Variants in TMEM154 observed in about 807,000 individuals in gnomAD.
TMEM154 encodes transmembrane protein 154.
TMEM154 carries 27 observed loss-of-function variants against 24.5 expected under a neutral mutation model. That is an observed-to-expected ratio of 1.10 (90% CI 0.81 to 1.52). TMEM154 has a LOEUF of 1.52. Ranked by LOEUF, TMEM154 falls within the 40% of genes most tolerant of loss-of-function variation. The pLI is 0.00. For missense variants in TMEM154, 228 were observed against 213.4 expected (o/e 1.07, Z -0.43); for synonymous variants, 67 against 76.8 (o/e 0.87, Z 0.67).
At chr4:152,632,978 T>C (rs1200714265) in intron 6 of TMEM154, among the ~76,000 whole-genome samples, 2 of 152,220 alleles carry the variant, frequency 1.3e-5, no homozygotes, top group African/African-American at 2.4e-5. Flanking sequence ...GACACATGAA[T>C]GAATGTTAGT....
At chr4:152,641,903 CTTTTTT>C (rs780465309) in intron 5 of TMEM154, among the ~76,000 whole-genome samples, 41 of 41,456 alleles carry the variant, frequency 9.9e-4, no homozygotes, top group Non-Finnish European at 1.5e-3. Flanking sequence ...AGCAATAATT[CTTTTTT>C]TTTTTTTTTT....
chr4:152,632,404 G>T (rs985162006), intron 6 of TMEM154, among the ~76,000 whole-genome samples: 2 of 152,124 alleles, frequency 1.3e-5, no homozygotes, highest in African/African-American at 2.4e-5. Flanking sequence ...AGCATGACAC[G>T]CTCCCTGTGA....
At chr4:152,632,964 C>T (rs1393295209) in intron 6 of TMEM154, among the ~76,000 whole-genome samples, 1 of 152,002 alleles carries the variant, frequency 6.6e-6, no homozygotes, top group Non-Finnish European at 1.5e-5. Flanking sequence ...AGGCCTGACA[C>T]ACAGACACAT....
intron 3 of TMEM154, among the ~76,000 whole-genome samples, chr4:152,645,196 C>T (rs911119362): frequency 3.9e-5 from 6 of 152,032 alleles, no homozygotes; most frequent in African/African-American, 9.7e-5. Context: ...TCTTATTTAT[C>T]GTGGTATCCC....
At position 152,620,528 on chromosome 4, in the gene TMEM154, G is replaced by GTT. The variant is rs34505466; in HGVS notation, c.*8016_*8017dup. The GTT allele has an allele frequency of 3.7e-4, 55 of 150,186 alleles. No individual in the cohort carries two copies. The highest frequency in any genetic ancestry group is 3.5e-3 in the Middle Eastern group (1 of 286). The allele number at this position is 150,186 out of a possible 1,614,324, so 9.3% of individuals were successfully genotyped here. ...ACTTTTTTTTGTTTGTTTTTTTGTT[G>GTT]TTTTTTTTTAGACAAGGCTGGAGTA... On this transcript the variant is annotated 3_prime_UTR_variant, in exon 7 of 7. Transcript: ENST00000304385.
At chr4:152,640,666 C>CA (rs2149780259) in intron 6 of TMEM154, among the ~76,000 whole-genome samples, 1 of 152,298 alleles carries the variant, frequency 6.6e-6, no homozygotes, top group African/African-American at 2.4e-5. Flanking sequence ...GAAGCTGAAG[C>CA]AACAGTGTCT....
rs189027311 is a variant in TMEM154 at position 152,619,730 on chromosome 4, C to T, written c.*8816G>A. The T allele has an allele frequency of 6.6e-6, 1 of 152,290 alleles. No individual in the cohort carries two copies. The highest frequency in any genetic ancestry group is 1.9e-4 in the East Asian group (1 of 5,184). The allele number at this position is 152,290 out of a possible 1,614,324, so 9.4% of individuals were successfully genotyped here. On this transcript the variant is annotated 3_prime_UTR_variant, in exon 7 of 7. Transcript: ENST00000304385. The stretch of plus-strand genomic sequence containing the variant: ...GCTGGACCACAGGCTTGGCTGGGCT[C>T]CTATCCGACAGCCAGAACAAACTTG...
At chr4:152,669,019 T>C (rs1018244282) in intron 1 of TMEM154, 1 of 152,248 alleles carries the variant, frequency 6.6e-6, no homozygotes, top group Non-Finnish European at 1.5e-5. Flanking sequence ...TTTCCTATCG[T>C]GGCTGGAGCT....
Position 152,626,308 on chromosome 4 carries a change from T to G in TMEM154, c.*2238A>C, listed in dbSNP as rs767148672. The G allele has an allele frequency of 6.6e-6, 1 of 152,638 alleles. No individual in the cohort carries two copies. Among genetic ancestry groups the G allele is most frequent in the Non-Finnish European group, 1.5e-5 (1 of 68,038 alleles). The allele number at this position is 152,638 out of a possible 1,614,324, so 9.5% of individuals were successfully genotyped here. On this transcript the variant is annotated 3_prime_UTR_variant, in exon 7 of 7. Transcript: ENST00000304385. ...TTAGTGAGGGTTTTTTTGGTTTTTGTTTTGTTTTTTTAACAATAGTCTGAA... is the reference window on the plus strand; with the variant it reads ...TTAGTGAGGGTTTTTTTGGTTTTTGGTTTGTTTTTTTAACAATAGTCTGAA...
chr4:152,640,824 G>T (rs1752241076), intron 6 of TMEM154, 104 bp downstream of exon 6: 4 of 951,864 alleles, frequency 4.2e-6, no homozygotes, highest in East Asian at 2.6e-5. Context: ...GATCTCATAC[G>T]AATTATAGGC....
chr4:152,651,947 G>C lies in TMEM154; in HGVS notation c.364+591C>G, dbSNP rs150384614. The stretch of plus-strand genomic sequence containing the variant: ...ATTGGCCTAATTTCAATATTGTTCT[G>C]TATCAGGGAATAGAGAGGCCTGAAG... On this transcript the variant is annotated intron_variant, in intron 3 of 6. Transcript: ENST00000304385. Among the ~76,000 whole-genome samples the C allele has an allele frequency of 4.6e-3, 706 of 152,246 alleles. 5 individuals are homozygous for C. Among genetic ancestry groups the C allele is most frequent in the African/African-American group, 0.016 (664 of 41,548 alleles).
chr4:152,644,276 G>T, intron 4 of TMEM154, 139 bp downstream of exon 4: 1 of 885,952 alleles, frequency 1.1e-6, no homozygotes, highest in Non-Finnish European at 1.9e-6. Context: ...CCCTCAGGCT[G>T]CCAAGGATCT....
intron 1 of TMEM154, among the ~76,000 whole-genome samples, chr4:152,658,020 T>C (rs1375637246): frequency 6.6e-6 from 1 of 152,054 alleles, no homozygotes; most frequent in African/African-American, 2.4e-5. Context: ...TTTATCATCA[T>C]GAAAACAATG....
intron 1 of TMEM154, among the ~76,000 whole-genome samples, chr4:152,667,755 C>T (rs934759071): frequency 5.3e-5 from 8 of 152,230 alleles, no homozygotes; most frequent in African/African-American, 1.4e-4. Flanking sequence ...CACTTTTTCT[C>T]TTCAGCCACC....
At chr4:152,632,075 G>A (rs1752055381) in intron 6 of TMEM154, among the ~76,000 whole-genome samples, 1 of 152,096 alleles carries the variant, frequency 6.6e-6, no homozygotes, top group Admixed American at 6.6e-5. Context: ...CCAAAGTGCT[G>A]GGATTACAGG....
chr4:152,644,579 C>T (rs1262162368), intron 3 of TMEM154, 137 bp from the exon 4 acceptor site: 2 of 834,740 alleles, frequency 2.4e-6, no homozygotes, highest in South Asian at 1.5e-5. Context: ...CGATCATTAA[C>T]TTAGAGTCAA....
intron 6 of TMEM154, 24 bp from the exon 7 acceptor site, chr4:152,628,585 A>AC (rs1454356816): frequency 5.4e-6 from 6 of 1,109,624 alleles, no homozygotes; most frequent in African/African-American, 3.8e-5. Flanking sequence ...AAAAAAAAAA[A>AC]AAAAAAACAA....
Position 152,643,087 on chromosome 4 carries a change from C to T in TMEM154, c.478+1G>A, listed in dbSNP as rs1306479973. The T allele has an allele frequency of 1.9e-6, 3 of 1,611,076 alleles. No individual in the cohort carries two copies. The highest frequency in any genetic ancestry group is 2.5e-6 in the Non-Finnish European group (3 of 1,178,694). On this transcript the variant is annotated splice_donor_variant, in intron 5 of 6. Coordinates refer to ENST00000304385, the MANE Select transcript of TMEM154 (RefSeq NM_152680.3). LOFTEE classifies it high-confidence loss of function. Reference sequence around the variant, plus strand: ...AAAAACAACTTTAGGTTACCACATACCATTTCTATTCATGCTGTTCATCCA... The same window carrying T: ...AAAAACAACTTTAGGTTACCACATATCATTTCTATTCATGCTGTTCATCCA...
rs896666710 is a variant in TMEM154 at position 152,626,824 on chromosome 4, T to C, written c.*1722A>G. The C allele has an allele frequency of 1.3e-5, 2 of 152,092 alleles. No individual in the cohort carries two copies. The highest frequency in any genetic ancestry group is 4.8e-5 in the African/African-American group (2 of 41,402). 9.4% of individuals were successfully genotyped at this position (152,092 alleles called of 1,614,324 possible). On this transcript the variant is annotated 3_prime_UTR_variant, in exon 7 of 7. Transcript: ENST00000304385. ...AGAAACAAACTGAAAGTAGCACACA[T>C]AGGCAGAAAAATAGACAAGTTATGA...
Sources: gnomAD v4.1 joint callset for allele counts (sites outside exome capture counted in the v4.1 genomes callset) on GRCh38, gnomAD v4.1.1 for gene constraint, MANE v1.5 for transcripts, NCBI Gene and HGNC (gene_info 2026-07-23, HGNC 2026-07-21) for gene names.